Variants in MYRIP observed in about 807,000 individuals in gnomAD.
MYRIP encodes myosin VIIA and Rab interacting protein, also known as rab effector MyRIP.
MYRIP carries 49 observed loss-of-function variants against 98.0 expected under a neutral mutation model. The observed-to-expected ratio is 0.50, with a 90% confidence interval of 0.40 to 0.63. The LOEUF (loss-of-function observed/expected upper bound fraction) is 0.63, where lower values mean the gene tolerates loss of function less well. Ranked by LOEUF, MYRIP falls within the 30% of genes least tolerant of loss-of-function variation. The pLI is 0.00. For missense variants in MYRIP, 1,004 were observed against 1,058.2 expected, an observed-to-expected ratio of 0.95 and a Z score of 0.71; for synonymous variants, 404 against 409.5, an observed-to-expected ratio of 0.99 and a Z score of 0.16.
intron 2 of MYRIP, among the ~76,000 whole-genome samples, chr3:39,917,033 A>C (rs1944179556): frequency 6.6e-6 from 1 of 152,182 alleles, no homozygotes; most frequent in African/African-American, 2.4e-5. Context: ...CTCCCTGAGC[A>C]ATTGACTAAG....
intron 10 of MYRIP, among the ~76,000 whole-genome samples, chr3:40,204,626 A>T (rs1226734040): frequency 6.6e-6 from 1 of 152,090 alleles, no homozygotes; most frequent in Non-Finnish European, 1.5e-5. Context: ...TGTGATTTAA[A>T]TTATTTTCCT....
At chr3:40,039,978 A>G (rs1947473625) in intron 2 of MYRIP, among the ~76,000 whole-genome samples, 1 of 152,018 alleles carries the variant, frequency 6.6e-6, no homozygotes, top group Non-Finnish European at 1.5e-5. Context: ...ACAGCACTCC[A>G]ATCTCTGCCT....
At chr3:39,854,598 C>T (rs879667352) in intron 1 of MYRIP, among the ~76,000 whole-genome samples, 19 of 152,038 alleles carry the variant, frequency 1.2e-4, no homozygotes, top group Non-Finnish European at 2.6e-4. Context: ...CTGGTATCTC[C>T]TTGAATAGCT....
chr3:39,955,299 G>C (rs1057510676), intron 2 of MYRIP, among the ~76,000 whole-genome samples: 1 of 152,154 alleles, frequency 6.6e-6, no homozygotes, highest in African/African-American at 2.4e-5. Context: ...TACCCACAAA[G>C]GGAAGCCCAT....
In MYRIP at chr3:40,182,307, G is replaced by A. The variant is rs1219687321; in HGVS notation, c.961G>A (p.Gly321Ser). The change falls in exon 9 of 17, where the codon GGC becomes AGC. Residue 321 changes from glycine (G) to serine (S), a missense_variant. Gly to Ser is a moderately conservative substitution (Grantham distance 56). This residue lies in a region of MYRIP where 880 missense variants were observed against 907.7 expected (regional missense o/e 0.97). Coordinates refer to ENST00000302541, the MANE Select transcript of MYRIP (RefSeq NM_015460.4). ...EAPSRQPRDQ[G>S]QHPRAESALP... Reference sequence around the variant, plus strand: ...TCCATCGAGGCAGCCAAGGGACCAAGGCCAACACCCGAGAGCAGAGTCTGC... The same window carrying A: ...TCCATCGAGGCAGCCAAGGGACCAAAGCCAACACCCGAGAGCAGAGTCTGC... The A allele has an allele frequency of 3.1e-6, 5 of 1,613,910 alleles. No individual in the cohort carries two copies. In the African/African-American group the frequency reaches 5.3e-5, roughly 17 times the overall value.
intron 11 of MYRIP, 77 bp from the exon 12 acceptor site, chr3:40,233,782 T>C (rs1575663898): frequency 1.5e-6 from 2 of 1,354,456 alleles, no homozygotes; most frequent in East Asian, 4.6e-5. Flanking sequence ...ATGAGTGTCA[T>C]GATAACATAG....
intron 1 of MYRIP, among the ~76,000 whole-genome samples, chr3:39,822,135 T>A (rs1941120136): frequency 6.6e-6 from 1 of 152,216 alleles, no homozygotes; most frequent in South Asian, 2.1e-4. Flanking sequence ...TAATACCTCT[T>A]GTTTTTAAGT....
At chr3:40,058,600 C>T (rs1329288048) in intron 3 of MYRIP, among the ~76,000 whole-genome samples, 2 of 152,098 alleles carry the variant, frequency 1.3e-5, no homozygotes, top group African/African-American at 2.4e-5. Flanking sequence ...ATTACAAATA[C>T]TTATGGCTCC....
Position 40,237,975 on chromosome 3 carries a change from TG to T in MYRIP, c.2100+3923del, listed in dbSNP as rs1348939442. ...CATCTTGTAAGATCCTTTAATTGTA[TG>T]TTTTTTTTCCTTTGGGTTCATTAAC... On this transcript the variant is annotated intron_variant, in intron 12 of 16. Coordinates refer to ENST00000302541, the MANE Select transcript of MYRIP (RefSeq NM_015460.4). 5.9e-5 allele frequency among the ~76,000 whole-genome samples: 9 copies of T among 152,366 alleles called. No individual in the cohort carries two copies. The Middle Eastern group carries it at 0.01, about 173-fold the overall frequency.
At chr3:39,851,628 C>A (rs1942132367) in intron 1 of MYRIP, among the ~76,000 whole-genome samples, 1 of 152,214 alleles carries the variant, frequency 6.6e-6, no homozygotes, top group Non-Finnish European at 1.5e-5. Context: ...ATAGAAAATA[C>A]AATCAAAGTT....
intron 2 of MYRIP, among the ~76,000 whole-genome samples, chr3:39,996,687 T>C (rs1164005788): frequency 6.6e-6 from 1 of 152,148 alleles, no homozygotes; most frequent in African/African-American, 2.4e-5. Flanking sequence ...GTGGACCTAA[T>C]AGACATCTAC....
intron 8 of MYRIP, among the ~76,000 whole-genome samples, chr3:40,180,047 C>T (rs544996477): frequency 2.0e-5 from 3 of 152,274 alleles, no homozygotes; most frequent in East Asian, 1.9e-4. Context: ...GTGAAAACCT[C>T]GGGTGTTGTC....
At chr3:40,054,232 A>G (rs567887090) in intron 3 of MYRIP, among the ~76,000 whole-genome samples, 3 of 152,274 alleles carry the variant, frequency 2.0e-5, no homozygotes, top group South Asian at 4.1e-4. Context: ...TGGCCTCCCA[A>G]TTCATCTTTT....
intron 10 of MYRIP, among the ~76,000 whole-genome samples, chr3:40,195,000 C>T (rs1437414098): frequency 1.3e-5 from 2 of 152,088 alleles, no homozygotes; most frequent in Non-Finnish European, 2.9e-5. Context: ...CAAGTAATGA[C>T]ACTTATCTTT....
At chr3:39,875,271 T>G (rs1048940788) in intron 1 of MYRIP, among the ~76,000 whole-genome samples, 1 of 152,224 alleles carries the variant, frequency 6.6e-6, no homozygotes, top group Non-Finnish European at 1.5e-5. Context: ...ATCAATTTTG[T>G]TGATCCTTTC....
At chr3:39,825,145 A>G (rs1353402277) in intron 1 of MYRIP, among the ~76,000 whole-genome samples, 1 of 152,190 alleles carries the variant, frequency 6.6e-6, no homozygotes, top group Non-Finnish European at 1.5e-5. Flanking sequence ...ATCTGCAGAG[A>G]CAACTTGACT....
intron 3 of MYRIP, among the ~76,000 whole-genome samples, chr3:40,058,725 TG>T (rs1449490150): frequency 1.3e-5 from 2 of 152,158 alleles, no homozygotes; most frequent in Admixed American, 6.6e-5. Context: ...ACATGGTACT[TG>T]GGTTGTATTC....
intron 9 of MYRIP, among the ~76,000 whole-genome samples, chr3:40,183,764 C>T (rs149324174): frequency 1.3e-3 from 199 of 152,262 alleles, no homozygotes; most frequent in Middle Eastern, 3.4e-3. Flanking sequence ...AGATTTAGAC[C>T]CCTTTCCTGA....
At chr3:39,895,959 A>G (rs935091756) in intron 1 of MYRIP, among the ~76,000 whole-genome samples, 1 of 152,080 alleles carries the variant, frequency 6.6e-6, no homozygotes, top group African/African-American at 2.4e-5. Flanking sequence ...ACGCATATAC[A>G]TGCCTATGTA....
Sources: gnomAD v4.1 joint callset for allele counts (sites outside exome capture counted in the v4.1 genomes callset) on GRCh38, gnomAD v4.1.1 for gene constraint, gnomAD v4.1.1 regional missense constraint, MANE v1.5 for transcripts, NCBI Gene and HGNC (gene_info 2026-07-23, HGNC 2026-07-21) for gene names.